Variants in SLC22A25 observed in about 807,000 individuals in gnomAD.
SLC22A25 encodes the protein MGI:2442751, MGI:2385316, MGI:3042283, MGI:3645714, MGI:3605624, MGI:2442750.
In SLC22A25, 44 loss-of-function variants were observed where a neutral mutation model predicts 45.9. That is an observed-to-expected ratio of 0.96 (90% CI 0.75 to 1.23). The LOEUF (loss-of-function observed/expected upper bound fraction) is 1.23, where lower values mean the gene tolerates loss of function less well. Ranked by LOEUF, SLC22A25 falls within the 50% of genes most tolerant of loss-of-function variation. The pLI, the probability that SLC22A25 is intolerant of heterozygous loss-of-function variation, is 0.00. For missense variants in SLC22A25, 800 were observed against 666.4 expected, an observed-to-expected ratio of 1.20 and a Z score of -2.21; for synonymous variants, 283 against 238.6, an observed-to-expected ratio of 1.19 and a Z score of -1.72.
At position 63,163,865 on chromosome 11, in the gene SLC22A25, C is replaced by A. The variant is rs755558098; in HGVS notation, c.1603G>T (p.Val535Leu). The A allele has an allele frequency of 1.1e-5, 18 of 1,613,876 alleles. No individual in the cohort carries two copies. The highest frequency in any genetic ancestry group is 2.2e-5 in the South Asian group (2 of 91,054). The change falls in exon 12 of 12, where the codon GTA becomes TTA. Residue 535 changes from valine (V) to leucine (L), a missense_variant. Coordinates refer to ENST00000306494, the MANE Select transcript of SLC22A25 (RefSeq NM_199352.6). ...DSIQDVENEG[V>L]NSLAAPQRSS... is the part of the protein sequence containing the mutation. ...CTCTGAGGGGCAGCTAGGCTATTTA[C>A]TCCCTCATTTTCCACATCCTGGATG...
intron 9 of SLC22A25, among the ~76,000 whole-genome samples, chr11:63,169,798 T>C (rs966432753): frequency 7.9e-5 from 12 of 152,202 alleles, no homozygotes; most frequent in South Asian, 4.1e-4. Context: ...AACTCAACTC[T>C]GGACCAAGTG....
Position 63,158,958 on chromosome 11 carries a change from T to C in SLC22A25, c.*4866A>G, listed in dbSNP as rs771477592. ...TCCTTCTCTCTCTATGTCTATGAGT[T>C]CAATTGTTTTTATTTTTATCTCACA... On this transcript the variant is annotated 3_prime_UTR_variant, in exon 12 of 12. Transcript: ENST00000306494. 8.5e-5 allele frequency among the ~76,000 whole-genome samples: 13 copies of C among 152,152 alleles called. No homozygotes were observed. The highest frequency in any genetic ancestry group is 1.8e-4 in the Non-Finnish European group (12 of 68,016).
At chr11:63,191,689 AC>A (rs558628801) in intron 7 of SLC22A25, among the ~76,000 whole-genome samples, 11 of 151,768 alleles carry the variant, frequency 7.2e-5, no homozygotes, top group Admixed American at 3.3e-4. Flanking sequence ...TCTTGGCTCC[AC>A]CCCCCCAATC....
chr11:63,186,621 T>C (rs2088560471), intron 7 of SLC22A25, among the ~76,000 whole-genome samples: 2 of 152,202 alleles, frequency 1.3e-5, no homozygotes, highest in Admixed American at 6.5e-5. Flanking sequence ...TCCTTGCCCA[T>C]GCCTATGTCC....
chr11:63,213,180 C>A (rs1209020092), intron 7 of SLC22A25, among the ~76,000 whole-genome samples: 1 of 152,116 alleles, frequency 6.6e-6, no homozygotes, highest in Admixed American at 6.5e-5. Context: ...GGATTCCAAA[C>A]TTCTCCCTTA....
rs985808646 is a variant in SLC22A25 at position 63,159,294 on chromosome 11, C to T, written c.*4530G>A. On this transcript the variant is annotated 3_prime_UTR_variant, in exon 12 of 12. Coordinates refer to ENST00000306494, the MANE Select transcript of SLC22A25 (RefSeq NM_199352.6). Reference sequence around the variant, plus strand: ...TGCCTTTGATATGATTTGGCTGCACCCCCACCCAAATCTCATCTTGAATTA... The same window carrying T: ...TGCCTTTGATATGATTTGGCTGCACTCCCACCCAAATCTCATCTTGAATTA... Among the ~76,000 whole-genome samples, 3 of 151,968 alleles carry T rather than the reference C, an allele frequency of 2.0e-5. No individual in the cohort carries two copies. The highest frequency in any genetic ancestry group is 2.9e-5 in the Non-Finnish European group (2 of 67,990).
At chr11:63,186,724 A>G (rs867045096) in intron 7 of SLC22A25, among the ~76,000 whole-genome samples, 1 of 152,288 alleles carries the variant, frequency 6.6e-6, no homozygotes, top group South Asian at 2.1e-4. Context: ...TTTTTGTATA[A>G]GGTGTAAGGA....
At chr11:63,220,691 G>A (rs1266874419) in intron 5 of SLC22A25, among the ~76,000 whole-genome samples, 1 of 152,118 alleles carries the variant, frequency 6.6e-6, no homozygotes, top group African/African-American at 2.4e-5. Context: ...ACCGTGTTGT[G>A]TGATCAAATA....
At chr11:63,228,951 C>T (rs1565123768) in intron 4 of SLC22A25, among the ~76,000 whole-genome samples, 1 of 152,218 alleles carries the variant, frequency 6.6e-6, no homozygotes, top group Non-Finnish European at 1.5e-5. Flanking sequence ...TTTTCAACCA[C>T]AGGCTGAGCA....
Position 63,228,045 on chromosome 11 carries a change from T to C in SLC22A25, c.506+416A>G, listed in dbSNP as rs370574960. The stretch of plus-strand genomic sequence containing the variant: ...GTCAGCAATTCAAGACTGTCTTTCC[T>C]ACCCCCTTCAATGAAGTTAAAATCA... On this transcript the variant is annotated intron_variant, in intron 5 of 11. Transcript: ENST00000306494. Among the ~76,000 whole-genome samples, 39 of 152,348 alleles carry C rather than the reference T, an allele frequency of 2.6e-4. No individual in the cohort carries two copies. The East Asian group carries it at 7.3e-3, about 29-fold the overall frequency.
chr11:63,181,824 T>C (rs971529641), intron 8 of SLC22A25, among the ~76,000 whole-genome samples: 5 of 152,138 alleles, frequency 3.3e-5, no homozygotes, highest in Non-Finnish European at 4.4e-5. Context: ...AGAAATCCTG[T>C]TGAGGCAAGG....
chr11:63,216,658 A>G (rs1382775469), intron 7 of SLC22A25, among the ~76,000 whole-genome samples: 2 of 152,108 alleles, frequency 1.3e-5, no homozygotes, highest in Admixed American at 6.6e-5. Flanking sequence ...CCCATTTATA[A>G]GTGGGAGCTA....
chr11:63,189,666 T>G (rs1212669485), intron 7 of SLC22A25, among the ~76,000 whole-genome samples: 2 of 152,236 alleles, frequency 1.3e-5, no homozygotes, highest in African/African-American at 2.4e-5. Context: ...TTGGCATGTT[T>G]CTGCAGTGGC....
chr11:63,187,786 G>A (rs2088620635), intron 7 of SLC22A25, among the ~76,000 whole-genome samples: 3 of 152,184 alleles, frequency 2.0e-5, no homozygotes, highest in East Asian at 3.8e-4. Context: ...GGCCGTTTCT[G>A]CATCTTTTGA....
At chr11:63,190,949 C>G (rs905821555) in intron 7 of SLC22A25, among the ~76,000 whole-genome samples, 2 of 152,228 alleles carry the variant, frequency 1.3e-5, no homozygotes, top group African/African-American at 2.4e-5. Flanking sequence ...AGGTGTCAGT[C>G]TGCCCCTACT....
intron 7 of SLC22A25, among the ~76,000 whole-genome samples, chr11:63,194,008 G>A (rs913372573): frequency 2.6e-5 from 4 of 152,118 alleles, no homozygotes; most frequent in East Asian, 1.9e-4. Context: ...TGAGAACTAC[G>A]AGATGCATGC....
rs140885213 is a variant in SLC22A25, at chr11:63,229,796, C to T, written c.-144G>A. The T allele has an allele frequency of 3.6e-6, 3 of 833,640 alleles. No homozygotes were observed. The highest frequency in any genetic ancestry group is 5.2e-6 in the Non-Finnish European group (3 of 574,976). 51.6% of individuals were successfully genotyped at this position (833,640 alleles called of 1,614,324 possible). On this transcript the variant is annotated 5_prime_UTR_variant, in exon 4 of 12. The change abolishes an upstream ATG in the 5' untranslated region. Transcript: ENST00000306494. Reference sequence around the variant, plus strand: ...TCTCTTCTTAATGGGCCCTCTCTCCCATCTGCAGCAGGGTCACGGAAGCAA... The same window carrying T: ...TCTCTTCTTAATGGGCCCTCTCTCCTATCTGCAGCAGGGTCACGGAAGCAA...
rs1156622589 is a variant in SLC22A25, at chr11:63,159,962, T to G, written c.*3862A>C. Among the ~76,000 whole-genome samples, 2 of 152,090 alleles carry G rather than the reference T, an allele frequency of 1.3e-5. No homozygotes were observed. The highest frequency in any genetic ancestry group is 3.9e-4 in the East Asian group (2 of 5,182). On this transcript the variant is annotated 3_prime_UTR_variant, in exon 12 of 12. Coordinates refer to ENST00000306494, the MANE Select transcript of SLC22A25 (RefSeq NM_199352.6). ...GGAACTTTGAACTTGAGTAAGATGA[T>G]TTAGGGTATCTGTCAGAAGAAATTT... is the stretch of plus-strand genomic sequence containing the variant.
intron 9 of SLC22A25, among the ~76,000 whole-genome samples, chr11:63,176,665 C>T (rs1368220156): frequency 1.3e-5 from 2 of 151,936 alleles, no homozygotes; most frequent in African/African-American, 4.8e-5. Context: ...GCTTAGTTTA[C>T]TTCTACCTTT....
Sources: gnomAD v4.1 joint callset for allele counts (sites outside exome capture counted in the v4.1 genomes callset) on GRCh38, gnomAD v4.1.1 for gene constraint, MANE v1.5 for transcripts, NCBI Gene and HGNC (gene_info 2026-07-23, HGNC 2026-07-21) for gene names.